Variants in TRIM2 observed in about 807,000 individuals in gnomAD.
The protein encoded by TRIM2 is tripartite motif containing 2, also known as tripartite motif-containing protein 2.
TRIM2 carries 20 observed loss-of-function variants against 75.2 expected under a neutral mutation model. The observed-to-expected ratio is 0.27, with a 90% CI of 0.19 to 0.39. The LOEUF is 0.39. Among genes scored for constraint, TRIM2 ranks in the 10% least tolerant of loss-of-function variants. The pLI, the probability that TRIM2 is intolerant of heterozygous loss-of-function variation, is 1.00. For missense variants in TRIM2, 660 were observed against 990.8 expected, an observed-to-expected ratio of 0.67 and a Z score of 4.48; for synonymous variants, 373 against 388.3, an observed-to-expected ratio of 0.96 and a Z score of 0.46.
At chr4:153,188,559 A>G (rs1422992170) in intron 1 of TRIM2, among the ~76,000 whole-genome samples, 1 of 152,178 alleles carries the variant, frequency 6.6e-6, no homozygotes, top group African/African-American at 2.4e-5. Context: ...TGAGGGATAT[A>G]AACCCATGCC....
At chr4:153,221,301 G>A (rs577207064) in intron 1 of TRIM2, among the ~76,000 whole-genome samples, 2 of 152,098 alleles carry the variant, frequency 1.3e-5, no homozygotes, top group Non-Finnish European at 2.9e-5. Context: ...GTGGCGGTGT[G>A]CCTATAATCC....
intron 1 of TRIM2, among the ~76,000 whole-genome samples, chr4:153,169,903 G>A (rs2149610016): frequency 6.6e-6 from 1 of 152,214 alleles, no homozygotes; most frequent in South Asian, 2.1e-4. Context: ...GTGTGAGTGA[G>A]GCGCGTGTCT....
chr4:153,329,518 C>A (rs1770971993), intron 11 of TRIM2, among the ~76,000 whole-genome samples: 1 of 150,924 alleles, frequency 6.6e-6, no homozygotes. Context: ...AAGAGCAAAC[C>A]CCAAACAAGC....
rs1772830348 is a variant in TRIM2, at chr4:153,339,274, ATGCACAAAATCTCAAAT to A, written c.*4309_*4325del. Reference sequence around the variant, plus strand: ...CAGGATTCATGTGTATCTCTTTACCATGCACAAAATCTCAAATCATTATAATAAAGCTTGTTTTCTCC... The same window carrying A: ...CAGGATTCATGTGTATCTCTTTACCACATTATAATAAAGCTTGTTTTCTCC... On this transcript the variant is annotated 3_prime_UTR_variant, in exon 12 of 12. Coordinates refer to ENST00000338700, the MANE Select transcript of TRIM2 (RefSeq NM_015271.5). 5 of 792,938 alleles carry A rather than the reference ATGCACAAAATCTCAAAT, an allele frequency of 6.3e-6. No individual in the cohort carries two copies. The highest frequency in any genetic ancestry group is 7.6e-6 in the Non-Finnish European group (5 of 654,296). 49.1% of individuals were successfully genotyped at this position (792,938 alleles called of 1,614,324 possible).
intron 1 of TRIM2, among the ~76,000 whole-genome samples, chr4:153,178,419 A>G (rs1731698907): frequency 1.3e-5 from 2 of 152,202 alleles, no homozygotes; most frequent in South Asian, 4.1e-4. Flanking sequence ...AACGATTAAA[A>G]AAGAAAACAA....
chr4:153,319,494 C>T (rs760888873), intron 8 of TRIM2, among the ~76,000 whole-genome samples: 7 of 152,130 alleles, frequency 4.6e-5, no homozygotes, highest in Non-Finnish European at 8.8e-5. Context: ...CTTGGGAGGC[C>T]GCAGCGGGCA....
At chr4:153,173,341 G>A (rs970903609) in intron 1 of TRIM2, among the ~76,000 whole-genome samples, 3 of 151,588 alleles carry the variant, frequency 2.0e-5, no homozygotes, top group African/African-American at 7.3e-5. Context: ...CCAACATGGT[G>A]AGCCCCTACC....
upstream of TRIM2, among the ~76,000 whole-genome samples, chr4:153,200,331 C>T (rs772758091): frequency 1.4e-4 from 21 of 152,282 alleles, no homozygotes; most frequent in Non-Finnish European, 2.9e-4. Flanking sequence ...TTTCACTTAG[C>T]ATAATGTTTT....
At chr4:153,261,196 T>G (rs544084289) in intron 1 of TRIM2, among the ~76,000 whole-genome samples, 1 of 152,136 alleles carries the variant, frequency 6.6e-6, no homozygotes, top group South Asian at 2.1e-4. Flanking sequence ...CCAAGGCCGG[T>G]GGATTGCTTG....
rs1772788826 is a variant in TRIM2 at position 153,338,975 on chromosome 4, T to C, written c.*4009T>C. On this transcript the variant is annotated 3_prime_UTR_variant, in exon 12 of 12. Transcript: ENST00000338700. ...GGGGTTTTTTTTTTTTGCTTTGTTT[T>C]CTTTTTAGATTTTGTACATTCCATC... 1.0e-6 allele frequency: 1 copy of C among 985,614 alleles called. No homozygotes were observed. The highest frequency in any genetic ancestry group is 1.2e-6 in the Non-Finnish European group (1 of 829,754). 61.1% of individuals were successfully genotyped at this position (985,614 alleles called of 1,614,324 possible).
intron 1 of TRIM2, among the ~76,000 whole-genome samples, chr4:153,175,810 T>C (rs1319841340): frequency 9.2e-5 from 14 of 152,072 alleles, no homozygotes; most frequent in Admixed American, 9.2e-4. Flanking sequence ...TAGGTAACAG[T>C]GCTGTATTGT....
chr4:153,218,512 T>C (rs1246445562), intron 1 of TRIM2, among the ~76,000 whole-genome samples: 1 of 152,220 alleles, frequency 6.6e-6, no homozygotes, highest in Non-Finnish European at 1.5e-5. Flanking sequence ...CCCGATCTAT[T>C]TTATTCTTTA....
chr4:153,295,254 G>C lies in TRIM2; in HGVS notation c.787-59G>C. Reference sequence around the variant, plus strand: ...CTCCTTCTCGCCGGTGGAGGGCACTGCCCCGGGCTAGGCCCCGCCCTGTGG... The same window carrying C: ...CTCCTTCTCGCCGGTGGAGGGCACTCCCCCGGGCTAGGCCCCGCCCTGTGG... On this transcript the variant is annotated intron_variant, in intron 5 of 11. Coordinates refer to ENST00000338700, the MANE Select transcript of TRIM2 (RefSeq NM_015271.5). The surrounding 1 kb of genome is among the most constrained non-coding windows in gnomAD (Gnocchi z 7.2). 6.8e-7 allele frequency: 1 copy of C among 1,481,040 alleles called. No homozygotes were observed. Among genetic ancestry groups the C allele is most frequent in the Non-Finnish European group, 9.0e-7 (1 of 1,115,072 alleles). The allele number at this position is 1,481,040 out of a possible 1,614,324, so 91.7% of individuals were successfully genotyped here.
intron 8 of TRIM2, among the ~76,000 whole-genome samples, chr4:153,322,359 C>T (rs1464779086): frequency 2.0e-5 from 3 of 151,970 alleles, no homozygotes; most frequent in Non-Finnish European, 4.4e-5. Flanking sequence ...TGCAGTGAGC[C>T]GAGATTGCAC....
intron 1 of TRIM2, among the ~76,000 whole-genome samples, chr4:153,168,092 A>T (rs1274170630): frequency 6.6e-6 from 1 of 151,832 alleles, no homozygotes; most frequent in Non-Finnish European, 1.5e-5. Flanking sequence ...CATTTTAAAT[A>T]GGAAAAATTT....
At chr4:153,197,974 C>T (rs1407948082) in intron 1 of TRIM2, among the ~76,000 whole-genome samples, 1 of 152,156 alleles carries the variant, frequency 6.6e-6, no homozygotes. Context: ...AGAAAACAGG[C>T]CCTCACCAAT....
At chr4:153,264,284 G>C (rs888874616) in intron 1 of TRIM2, among the ~76,000 whole-genome samples, 6 of 152,142 alleles carry the variant, frequency 3.9e-5, no homozygotes, top group African/African-American at 1.4e-4. Flanking sequence ...TTTTAAAGTG[G>C]TTCTTTCTGC....
chr4:153,336,660 T>C lies in TRIM2; in HGVS notation c.*1694T>C, dbSNP rs1321475722. On this transcript the variant is annotated 3_prime_UTR_variant, in exon 12 of 12. Coordinates refer to ENST00000338700, the MANE Select transcript of TRIM2 (RefSeq NM_015271.5). Reference sequence around the variant, plus strand: ...AAAACATTTCCCCTATGTATAATTATATGAATGTGATGTTTATTGCTTATT... The same window carrying C: ...AAAACATTTCCCCTATGTATAATTACATGAATGTGATGTTTATTGCTTATT... 3 of 985,448 alleles carry C rather than the reference T, an allele frequency of 3.0e-6. No homozygotes were observed. The highest frequency in any genetic ancestry group is 2.3e-4 in the East Asian group (2 of 8,828). 61.0% of individuals were successfully genotyped at this position (985,448 alleles called of 1,614,324 possible).
At chr4:153,254,149 C>T (rs1443600042) in intron 1 of TRIM2, among the ~76,000 whole-genome samples, 1 of 152,092 alleles carries the variant, frequency 6.6e-6, no homozygotes, top group Non-Finnish European at 1.5e-5. Context: ...CTTTGTATGC[C>T]ATCCTAAGAT....
Sources: allele counts gnomAD v4.1 joint callset (sites outside exome capture counted in the v4.1 genomes callset), GRCh38; gene constraint gnomAD v4.1.1; non-coding constraint Gnocchi (gnomAD v3.1); transcripts MANE v1.5; gene names NCBI Gene and HGNC (gene_info 2026-07-23, HGNC 2026-07-21).